Variants in SEMA3E observed in about 807,000 individuals in gnomAD.
SEMA3E encodes semaphorin-3E.
SEMA3E carries 49 observed loss-of-function variants against 93.6 expected under a neutral mutation model. That is an observed-to-expected ratio of 0.52 (90% CI 0.42 to 0.66). The LOEUF (loss-of-function observed/expected upper bound fraction) is 0.66, where lower values mean the gene tolerates loss of function less well. Among genes scored for constraint, SEMA3E ranks in the 30% least tolerant of loss-of-function variants. The pLI is 0.00. For synonymous variants in SEMA3E, 363 were observed against 330.7 expected, an observed-to-expected ratio of 1.10 and a Z score of -1.06; for missense variants, 906 against 964.8, an observed-to-expected ratio of 0.94 and a Z score of 0.81.
chr7:83,470,553 C>T (rs371166785), intron 2 of SEMA3E, among the ~76,000 whole-genome samples: 4 of 152,018 alleles, frequency 2.6e-5, no homozygotes, highest in African/African-American at 7.2e-5. Context: ...TTAAAAGGTC[C>T]CTCTTTTATT....
intron 1 of SEMA3E, among the ~76,000 whole-genome samples, chr7:83,577,944 T>C (rs1489627718): frequency 6.6e-6 from 1 of 152,130 alleles, no homozygotes; most frequent in African/African-American, 2.4e-5. Context: ...GACTCTTTTT[T>C]ACCTTTAAAT....
intron 1 of SEMA3E, among the ~76,000 whole-genome samples, chr7:83,570,251 T>C (rs1792245635): frequency 2.6e-5 from 4 of 152,274 alleles, no homozygotes; most frequent in African/African-American, 9.6e-5. Context: ...TAGTGCAAAA[T>C]ACCTTCATCA....
Position 83,648,593 on chromosome 7 carries a change from G to C in SEMA3E, c.-51C>G. 1.4e-6 allele frequency: 2 copies of C among 1,399,062 alleles called. No individual in the cohort carries two copies. The highest frequency in any genetic ancestry group is 2.0e-6 in the Non-Finnish European group (2 of 989,722). The allele number at this position is 1,399,062 out of a possible 1,614,324, so 86.7% of individuals were successfully genotyped here. A position where few individuals can be genotyped will look rare whatever the true frequency, so the allele number is the denominator to read the frequency against. On this transcript the variant is annotated 5_prime_UTR_variant, in exon 1 of 17. Coordinates refer to ENST00000643230, the MANE Select transcript of SEMA3E (RefSeq NM_012431.3). The stretch of plus-strand genomic sequence containing the variant: ...TCGCTCCTCACTTTAAGGAGGGTCT[G>C]AGTTTTACTTAGGACTTCCCTCCAG...
At chr7:83,621,342 G>C (rs1479310661) in intron 1 of SEMA3E, among the ~76,000 whole-genome samples, 1 of 152,048 alleles carries the variant, frequency 6.6e-6, no homozygotes, top group Non-Finnish European at 1.5e-5. Flanking sequence ...AATGAAATCA[G>C]AGAGGACACA....
intron 1 of SEMA3E, among the ~76,000 whole-genome samples, chr7:83,570,135 A>G (rs888506836): frequency 2.0e-5 from 3 of 152,208 alleles, no homozygotes; most frequent in Non-Finnish European, 2.9e-5. Context: ...GGTCAACAAG[A>G]AAACTAAGGC....
chr7:83,506,416 A>C (rs1422083558), intron 1 of SEMA3E, among the ~76,000 whole-genome samples: 1 of 152,112 alleles, frequency 6.6e-6, no homozygotes, highest in Non-Finnish European at 1.5e-5. Context: ...TAAAAATCAA[A>C]ATAATTGATC....
At chr7:83,525,683 T>C (rs1016278108) in intron 1 of SEMA3E, among the ~76,000 whole-genome samples, 11 of 152,060 alleles carry the variant, frequency 7.2e-5, no homozygotes, top group Admixed American at 5.2e-4. Flanking sequence ...CAATTTGATC[T>C]TGTTTCATGG....
At chr7:83,634,343 CTTGT>C (rs1793840629) in intron 1 of SEMA3E, among the ~76,000 whole-genome samples, 1 of 151,906 alleles carries the variant, frequency 6.6e-6, no homozygotes, top group African/African-American at 2.4e-5. Context: ...CATTTTTATT[CTTGT>C]TTAACTTTAT....
chr7:83,646,433 A>G (rs1237814461), intron 1 of SEMA3E, among the ~76,000 whole-genome samples: 1 of 152,042 alleles, frequency 6.6e-6, no homozygotes, highest in Non-Finnish European at 1.5e-5. Flanking sequence ...TGCTTCAGGT[A>G]GCATCTCCAG....
At position 83,596,380 on chromosome 7, in the gene SEMA3E, G is replaced by A. The variant is rs148836551; in HGVS notation, c.115+52048C>T. ...ACCCTGGCTTCTTTTAACGGAGAACGATATCCACTGGATATGCTCATTACT... is the reference window on the plus strand; with the variant it reads ...ACCCTGGCTTCTTTTAACGGAGAACAATATCCACTGGATATGCTCATTACT... On this transcript the variant is annotated intron_variant, in intron 1 of 16. Transcript: ENST00000643230. 2.8e-3 allele frequency among the ~76,000 whole-genome samples: 425 copies of A among 152,026 alleles called. 1 individual carries two copies. Among genetic ancestry groups the A allele is most frequent in the Admixed American group, 4.1e-3 (62 of 15,238 alleles).
At chr7:83,406,253 A>G (rs1185174866) in intron 7 of SEMA3E, among the ~76,000 whole-genome samples, 194 bp from the exon 8 acceptor site, 6 of 151,896 alleles carry the variant, frequency 4.0e-5, no homozygotes, top group African/African-American at 1.5e-4. Flanking sequence ...AGGTTTCTTC[A>G]TTCGGCCTTG....
chr7:83,410,845 G>A, intron 5 of SEMA3E, among the ~76,000 whole-genome samples: 1 of 152,144 alleles, frequency 6.6e-6, no homozygotes, highest in Non-Finnish European at 1.5e-5. Context: ...GTTGAGTTAT[G>A]TTTACCACAC....
intron 1 of SEMA3E, among the ~76,000 whole-genome samples, chr7:83,541,604 G>A (rs944029446): frequency 3.3e-5 from 5 of 152,196 alleles, no homozygotes; most frequent in South Asian, 2.1e-4. Context: ...AGATAATAAC[G>A]GGAGATTATG....
chr7:83,600,040 A>G (rs897803960), intron 1 of SEMA3E, among the ~76,000 whole-genome samples: 1 of 152,158 alleles, frequency 6.6e-6, no homozygotes, highest in Non-Finnish European at 1.5e-5. Flanking sequence ...TGCATCACAG[A>G]TCAGTTTGAA....
chr7:83,611,285 A>C (rs979780355), intron 1 of SEMA3E, among the ~76,000 whole-genome samples: 7 of 143,492 alleles, frequency 4.9e-5, no homozygotes, highest in African/African-American at 1.8e-4. Flanking sequence ...TATATTATAT[A>C]TTAAATTTAT....
At chr7:83,396,095 AT>A (rs1788114510) in intron 12 of SEMA3E, among the ~76,000 whole-genome samples, 1 of 151,306 alleles carries the variant, frequency 6.6e-6, no homozygotes, top group African/African-American at 2.4e-5. Flanking sequence ...GCATTTATAT[AT>A]ATGCACACAT....
chr7:83,440,086 T>C (rs192669639), intron 4 of SEMA3E, among the ~76,000 whole-genome samples: 7 of 152,356 alleles, frequency 4.6e-5, no homozygotes, highest in African/African-American at 1.7e-4. Context: ...GTTTTTTTTC[T>C]AAATATTTTC....
At chr7:83,485,150 G>A (rs548356809) in intron 2 of SEMA3E, among the ~76,000 whole-genome samples, 4 of 152,110 alleles carry the variant, frequency 2.6e-5, no homozygotes, top group Admixed American at 6.5e-5. Context: ...TAGCAACATC[G>A]ATAAAATGAA....
intron 1 of SEMA3E, among the ~76,000 whole-genome samples, chr7:83,573,730 G>A (rs937350154): frequency 3.3e-5 from 5 of 152,004 alleles, no homozygotes; most frequent in Middle Eastern, 3.4e-3. Context: ...ATCATAAATA[G>A]AGAAAGGTCT....
Sources: allele counts gnomAD v4.1 joint callset (sites outside exome capture counted in the v4.1 genomes callset), GRCh38; gene constraint gnomAD v4.1.1; transcripts MANE v1.5; gene names NCBI Gene and HGNC (gene_info 2026-07-23, HGNC 2026-07-21).